SORBS2: variants seen among roughly 807,000 people sequenced by gnomAD.
The protein encoded by SORBS2 is sorbin and SH3 domain containing 2.
In SORBS2, 46 loss-of-function variants were observed where a neutral mutation model predicts 97.7. That is an observed-to-expected ratio of 0.47 (90% CI 0.37 to 0.60). SORBS2 has a LOEUF of 0.60. Among genes scored for constraint, SORBS2 ranks in the 20% least tolerant of loss-of-function variants. The pLI is 0.00. For missense variants in SORBS2, 1,316 were observed against 1,282.3 expected, an observed-to-expected ratio of 1.03 and a Z score of -0.40; for synonymous variants, 476 against 473.4, an observed-to-expected ratio of 1.01 and a Z score of -0.07.
chr4:185,678,351 A>G, intron 4 of SORBS2, 72 bp downstream of exon 7: 3 of 1,265,386 alleles, frequency 2.4e-6, no homozygotes, highest in Non-Finnish European at 3.2e-6. Flanking sequence ...GCACATTAGG[A>G]AAGAGGCTGT....
chr4:185,708,120 G>A (rs991246733), intron 2 of SORBS2, among the ~76,000 whole-genome samples: 3 of 152,164 alleles, frequency 2.0e-5, no homozygotes, highest in African/African-American at 7.2e-5. Flanking sequence ...CATAAAATCA[G>A]ATCATGAATT....
intron 2 of SORBS2, among the ~76,000 whole-genome samples, chr4:185,681,526 G>A (rs2097866740): frequency 6.6e-6 from 1 of 151,748 alleles, no homozygotes; most frequent in African/African-American, 2.4e-5. Context: ...TAGGACTAGG[G>A]GCCAGAGTCC....
intron 2 of SORBS2, among the ~76,000 whole-genome samples, chr4:185,694,695 T>C (rs2098145310): frequency 7.9e-6 from 1 of 127,006 alleles, no homozygotes; most frequent in Non-Finnish European, 1.7e-5. Context: ...TTTTTCTTTT[T>C]CCTTTTCTTT....
At chr4:185,767,705 A>T (rs6833544) in intron 2 of SORBS2, among the ~76,000 whole-genome samples, 77,172 of 151,824 alleles carry the variant, frequency 0.51, 20,494 homozygotes, top group African/African-American at 0.64. Flanking sequence ...TCTCTGCACC[A>T]ATTGGTCTCA....
At chr4:185,591,741 C>G (rs2095942689) in intron 13 of SORBS2, among the ~76,000 whole-genome samples, 1 of 152,176 alleles carries the variant, frequency 6.6e-6, no homozygotes, top group Admixed American at 6.5e-5. Flanking sequence ...CATCTCCACC[C>G]ACTCATGGAG....
intron 2 of SORBS2, among the ~76,000 whole-genome samples, chr4:185,741,762 T>G (rs1369568573): frequency 1.3e-5 from 2 of 152,110 alleles, no homozygotes; most frequent in African/African-American, 2.4e-5. Flanking sequence ...TAAAAAAAAA[T>G]TACCTGCTTT....
chr4:185,953,399 T>C (rs1432938376), intron 1 of SORBS2, among the ~76,000 whole-genome samples: 3 of 152,206 alleles, frequency 2.0e-5, no homozygotes, highest in East Asian at 3.9e-4. Context: ...ACTGGCATCA[T>C]TTTGGTCTGG....
chr4:185,852,870 C>T (rs1180888294), intron 1 of SORBS2, among the ~76,000 whole-genome samples: 1 of 152,106 alleles, frequency 6.6e-6, no homozygotes, highest in African/African-American at 2.4e-5. Context: ...AAATCATTTA[C>T]CACCACGCAA....
At chr4:185,931,022 C>T (rs950747724) in intron 1 of SORBS2, among the ~76,000 whole-genome samples, 1 of 149,832 alleles carries the variant, frequency 6.7e-6, no homozygotes, top group Non-Finnish European at 1.5e-5. Flanking sequence ...ATGAAGAAAA[C>T]ACATGAATAT....
At chr4:185,645,743 G>A (rs1197246979) in intron 4 of SORBS2, 2 of 152,192 alleles carry the variant, frequency 1.3e-5, no homozygotes, top group African/African-American at 4.8e-5. Context: ...AAAAATGAGA[G>A]TAAATTGCAA....
At chr4:185,910,816 A>C (rs556018769) in intron 1 of SORBS2, among the ~76,000 whole-genome samples, 1 of 152,352 alleles carries the variant, frequency 6.6e-6, no homozygotes, top group South Asian at 2.1e-4. Flanking sequence ...AGACTGTATT[A>C]TATATGAGAA....
Position 185,835,652 on chromosome 4 carries a change from A to ATT in SORBS2, c.-337-60288_-337-60287dup, listed in dbSNP as rs5864964. Among the ~76,000 whole-genome samples, 505 of 122,206 alleles carry ATT rather than the reference A, an allele frequency of 4.1e-3. 5 individuals are homozygous for ATT. The highest frequency in any genetic ancestry group is 0.014 in the African/African-American group (455 of 33,506). 80.2% of individuals were successfully genotyped at this position (122,206 alleles called of 152,430 possible). A position where few individuals can be genotyped will look rare whatever the true frequency, so the allele number is the denominator to read the frequency against. ...TTGTATTTTTGCCAATTTTGAAAGG[A>ATT]TTTTTTTTTTTTTTTTTTTTTGCAC... On this transcript the variant is annotated intron_variant, in intron 1 of 20. Transcript: ENST00000284776.
At chr4:185,825,409 A>G (rs1342189145) in intron 1 of SORBS2, among the ~76,000 whole-genome samples, 1 of 152,212 alleles carries the variant, frequency 6.6e-6, no homozygotes, top group Admixed American at 6.5e-5. Context: ...TAAAAAATGT[A>G]TGACTTCCAA....
chr4:185,915,542 G>A (rs1296408467), intron 1 of SORBS2, among the ~76,000 whole-genome samples: 1 of 152,160 alleles, frequency 6.6e-6, no homozygotes, highest in African/African-American at 2.4e-5. Flanking sequence ...CACTGCAGAC[G>A]TTTGACATCT....
chr4:185,868,174 T>TTTTTTTTTTTTTTGG (rs2099228276), intron 1 of SORBS2, among the ~76,000 whole-genome samples: 1 of 143,302 alleles, frequency 7.0e-6, no homozygotes, highest in Middle Eastern at 3.5e-3. Context: ...TTTTTTTTTT[T>TTTTTTTTTTTTTTGG]GAGGCAGAGT....
chr4:185,607,050 G>C lies in SORBS2; in HGVS notation c.2796+4730C>G. Reference sequence around the variant, plus strand: ...CACCCGCGTGAGTGGAAGGTGATTCGGCAGGTGCAGTCGCTGGGGACAATG... The same window carrying C: ...CACCCGCGTGAGTGGAAGGTGATTCCGCAGGTGCAGTCGCTGGGGACAATG... On this transcript the variant is annotated intron_variant, in intron 12 of 14. Coordinates refer to ENST00000418609, the Ensembl canonical transcript of SORBS2. This position sits in a 1 kb window ranked among gnomAD's most constrained non-coding sequence, Gnocchi z 5.2. 2 of 1,026,260 alleles carry C rather than the reference G, an allele frequency of 1.9e-6. No homozygotes were observed. The highest frequency in any genetic ancestry group is 7.1e-5 in the South Asian group (2 of 28,306). The allele number at this position is 1,026,260 out of a possible 1,614,324, so 63.6% of individuals were successfully genotyped here. A position where few individuals can be genotyped will look rare whatever the true frequency, so the allele number is the denominator to read the frequency against.
intron 2 of SORBS2, among the ~76,000 whole-genome samples, chr4:185,748,823 G>A (rs938558276): frequency 7.2e-5 from 11 of 152,198 alleles, no homozygotes; most frequent in Non-Finnish European, 1.6e-4. Flanking sequence ...GGCAAGTGGA[G>A]GATTTCCCTA....
chr4:185,740,745 G>T (rs762334008), intron 2 of SORBS2, among the ~76,000 whole-genome samples: 42 of 149,624 alleles, frequency 2.8e-4, no homozygotes, highest in Admixed American at 1.5e-3. Context: ...ACTCAGCCCA[G>T]CACCAGCTCA....
At chr4:185,717,137 T>C (rs989385131) in intron 2 of SORBS2, among the ~76,000 whole-genome samples, 15 of 152,174 alleles carry the variant, frequency 9.9e-5, no homozygotes, top group African/African-American at 3.4e-4. Context: ...GTGGCTGGCG[T>C]GGGAGCGCCG....
Sources: allele counts gnomAD v4.1 joint callset (sites outside exome capture counted in the v4.1 genomes callset), GRCh38; gene constraint gnomAD v4.1.1; non-coding constraint Gnocchi (gnomAD v3.1); transcripts MANE v1.5; gene names NCBI Gene and HGNC (gene_info 2026-07-23, HGNC 2026-07-21).